Variants in GRID2 observed in about 807,000 individuals in gnomAD.
GRID2 encodes glutamate ionotropic receptor delta type subunit 2, also known as glutamate receptor ionotropic, delta-2.
A neutral mutation model predicts 114.8 loss-of-function variants in GRID2; 33 were observed. The observed-to-expected ratio is 0.29, with a 90% confidence interval of 0.22 to 0.38. The LOEUF (loss-of-function observed/expected upper bound fraction) is 0.38. Among genes scored for constraint, GRID2 ranks in the 10% least tolerant of loss-of-function variants. The pLI is 1.00. For synonymous variants in GRID2, 505 were observed against 449.9 expected, an observed-to-expected ratio of 1.12 and a Z score of -1.55; for missense variants, 1,184 against 1,257.7, an observed-to-expected ratio of 0.94 and a Z score of 0.89.
chr4:92,746,250 A>G (rs956418965), intron 2 of GRID2, among the ~76,000 whole-genome samples: 1 of 152,160 alleles, frequency 6.6e-6, no homozygotes, highest in Non-Finnish European at 1.5e-5. Context: ...ACTCAAGGGT[A>G]ACTTCAAGTA....
At chr4:92,695,399 C>T (rs1734379161) in intron 2 of GRID2, among the ~76,000 whole-genome samples, 1 of 151,848 alleles carries the variant, frequency 6.6e-6, no homozygotes, top group Non-Finnish European at 1.5e-5. Context: ...AAAAGGAATA[C>T]AATGATACCG....
chr4:93,084,100 A>G (rs1730117863), intron 2 of GRID2, among the ~76,000 whole-genome samples: 1 of 151,870 alleles, frequency 6.6e-6, no homozygotes, highest in African/African-American at 2.4e-5. Flanking sequence ...TAATTTTTTC[A>G]TTGATTTCTT....
intron 13 of GRID2, among the ~76,000 whole-genome samples, chr4:93,552,213 C>A (rs1733831738): frequency 6.6e-6 from 1 of 151,970 alleles, no homozygotes; most frequent in African/African-American, 2.4e-5. Flanking sequence ...ATGAACTCAT[C>A]ATTTTTTATG....
rs560275010 is a variant in GRID2, at chr4:92,304,203, C to T, written c.-454C>T. ...AGTGATTCTCTGCGGGCTGTAGGGGCGGGGGCGGGGGTCTTTTTTGGTCCG... is the reference window on the plus strand; with the variant it reads ...AGTGATTCTCTGCGGGCTGTAGGGGTGGGGGCGGGGGTCTTTTTTGGTCCG... On this transcript the variant is annotated 5_prime_UTR_variant, in exon 1 of 16. Coordinates refer to ENST00000282020, the MANE Select transcript of GRID2 (RefSeq NM_001510.4). 1.2e-3 allele frequency: 170 copies of T among 145,148 alleles called. No individual in the cohort carries two copies. Among genetic ancestry groups the T allele is most frequent in the African/African-American group, 5.1e-3 (166 of 32,254 alleles). The allele number at this position is 145,148 out of a possible 1,614,324, so 9.0% of individuals were successfully genotyped here.
At chr4:93,421,721 T>C (rs989992679) in intron 9 of GRID2, among the ~76,000 whole-genome samples, 4 of 152,168 alleles carry the variant, frequency 2.6e-5, no homozygotes, top group Admixed American at 6.5e-5. Context: ...AAATTGTATA[T>C]TATAGTTGAC....
At chr4:93,389,238 G>A (rs982613252) in intron 8 of GRID2, among the ~76,000 whole-genome samples, 2 of 152,076 alleles carry the variant, frequency 1.3e-5, no homozygotes, top group African/African-American at 4.8e-5. Flanking sequence ...ATGTCTCAAG[G>A]TAGAATGGAA....
At chr4:92,898,141 A>G (rs1747305290) in intron 2 of GRID2, among the ~76,000 whole-genome samples, 1 of 152,194 alleles carries the variant, frequency 6.6e-6, no homozygotes, top group Non-Finnish European at 1.5e-5. Context: ...TTTGTTGAAA[A>G]TACATGGGAT....
At chr4:93,258,490 A>G (rs1478511466) in intron 8 of GRID2, among the ~76,000 whole-genome samples, 2 of 151,762 alleles carry the variant, frequency 1.3e-5, no homozygotes, top group African/African-American at 2.4e-5. Flanking sequence ...TTTCATGTAT[A>G]TAATGACAGA....
intron 8 of GRID2, among the ~76,000 whole-genome samples, chr4:93,385,447 G>T (rs1212152285): frequency 6.6e-6 from 1 of 152,084 alleles, no homozygotes; most frequent in African/African-American, 2.4e-5. Context: ...CCTCTATGCT[G>T]CTGAGACTTA....
At chr4:92,919,438 G>T (rs1407819255) in intron 2 of GRID2, among the ~76,000 whole-genome samples, 1 of 152,074 alleles carries the variant, frequency 6.6e-6, no homozygotes, top group African/African-American at 2.4e-5. Context: ...TTTTAATTGT[G>T]ATGTTAGGGT....
At chr4:93,271,673 G>A (rs1470531087) in intron 8 of GRID2, among the ~76,000 whole-genome samples, 2 of 152,074 alleles carry the variant, frequency 1.3e-5, no homozygotes, top group Non-Finnish European at 1.5e-5. Flanking sequence ...AAAATACACA[G>A]AAAGGTCATA....
intron 1 of GRID2, among the ~76,000 whole-genome samples, chr4:92,583,272 GTT>G (rs999419214): frequency 1.3e-5 from 2 of 151,964 alleles, no homozygotes; most frequent in Non-Finnish European, 2.9e-5. Context: ...AACTGCCAGT[GTT>G]TCTAATATTT....
chr4:93,057,797 A>G (rs17020132), intron 2 of GRID2, among the ~76,000 whole-genome samples: 62,010 of 151,630 alleles, frequency 0.41, 13,051 homozygotes, highest in Middle Eastern at 0.53. Flanking sequence ...TCTTATCTGC[A>G]TTTAATATTA....
intron 1 of GRID2, among the ~76,000 whole-genome samples, chr4:93,786,444 T>C (rs1032946002): frequency 6.6e-6 from 1 of 152,114 alleles, no homozygotes; most frequent in Non-Finnish European, 1.5e-5. Flanking sequence ...GGGCAAAGCT[T>C]GAGAATACAG....
chr4:93,382,552 T>C (rs746768337), intron 8 of GRID2, among the ~76,000 whole-genome samples: 1 of 152,032 alleles, frequency 6.6e-6, no homozygotes, highest in African/African-American at 2.4e-5. Flanking sequence ...TCACTTGTAC[T>C]TTTTAGCTAC....
At chr4:92,873,733 A>C (rs1275802764) in intron 2 of GRID2, among the ~76,000 whole-genome samples, 2 of 151,988 alleles carry the variant, frequency 1.3e-5, no homozygotes, top group Non-Finnish European at 2.9e-5. Flanking sequence ...TTTTGTTTTG[A>C]GATGGAATTT....
chr4:92,588,766 A>C (rs1728576961), intron 1 of GRID2, among the ~76,000 whole-genome samples: 1 of 152,014 alleles, frequency 6.6e-6, no homozygotes, highest in Non-Finnish European at 1.5e-5. Flanking sequence ...ATAGGAAACA[A>C]GGCTATGGCT....
chr4:92,913,772 G>A (rs1748568163), intron 2 of GRID2, among the ~76,000 whole-genome samples: 1 of 151,580 alleles, frequency 6.6e-6, no homozygotes, highest in African/African-American at 2.4e-5. Flanking sequence ...ATAAAACGAA[G>A]AAACGTTTCA....
intron 2 of GRID2, among the ~76,000 whole-genome samples, chr4:92,745,061 G>A (rs184635310): frequency 7.9e-5 from 12 of 152,240 alleles, no homozygotes; most frequent in African/African-American, 2.6e-4. Context: ...TTTCTCTGAA[G>A]TGTCACATGA....
Sources: gnomAD v4.1 joint callset for allele counts (sites outside exome capture counted in the v4.1 genomes callset) on GRCh38, gnomAD v4.1.1 for gene constraint, MANE v1.5 for transcripts, NCBI Gene and HGNC (gene_info 2026-07-23, HGNC 2026-07-21) for gene names.